RFX4: variants seen among roughly 807,000 people sequenced by gnomAD.
The protein encoded by RFX4 is transcription factor RFX4.
In RFX4, 10 loss-of-function variants were observed where a neutral mutation model predicts 95.0. The observed-to-expected ratio is 0.11, with a 90% CI of 0.06 to 0.18. RFX4 has a LOEUF of 0.18. Among genes scored for constraint, RFX4 ranks in the 10% least tolerant of loss-of-function variants. RFX4 has a pLI of 1.00. For synonymous variants in RFX4, 321 were observed against 340.7 expected (o/e 0.94, Z 0.64); for missense variants, 640 against 922.0 (o/e 0.69, Z 3.96).
At chr12:106,670,466 C>T (rs1198784124) in intron 4 of RFX4, among the ~76,000 whole-genome samples, 1 of 152,172 alleles carries the variant, frequency 6.6e-6, no homozygotes, top group African/African-American at 2.4e-5. Context: ...CGTGGTACCC[C>T]TCAAGGGGCA....
chr12:106,761,045 T>C (rs1268480832), intron 17 of RFX4, 152 bp from the exon 18 acceptor site: 1 of 871,624 alleles, frequency 1.1e-6, no homozygotes, highest in Non-Finnish European at 1.8e-6. Flanking sequence ...AAGACCAATA[T>C]TCAGTCTTGT....
At chr12:106,614,477 C>CTGTGTGTG (rs34226201) in intron 2 of RFX4, among the ~76,000 whole-genome samples, 3,824 of 127,794 alleles carry the variant, frequency 0.03, 100 homozygotes, top group Middle Eastern at 0.052. Flanking sequence ...CGTCTTTTGC[C>CTGTGTGTG]TGTGTGTGTG....
At chr12:106,755,668 G>A (rs547804655) in intron 17 of RFX4, among the ~76,000 whole-genome samples, 1 of 152,292 alleles carries the variant, frequency 6.6e-6, no homozygotes, top group South Asian at 2.1e-4. Flanking sequence ...TTTGGTTTAA[G>A]GTTCAGCATA....
Position 106,696,405 on chromosome 12 carries a change from C to T in RFX4, c.792C>T (p.Ser264=), listed in dbSNP as rs764344281. ...ACTCCATCCTCTACAAAGCTATCTC[C>T]GGGGTGCTGATGCCCACTGTGCTGC... The part of the protein sequence containing the change: ...VCDSILYKAI[S]GVLMPTVLQA... The change falls in exon 8 of 18, where the codon TCC becomes TCT. Residue 264 remains serine, a synonymous_variant. Transcript: ENST00000392842. 48 of 1,613,978 alleles carry T rather than the reference C, an allele frequency of 3.0e-5. No individual in the cohort carries two copies. The Admixed American group carries it at 4.8e-4, about 16-fold the overall frequency.
chr12:106,670,654 C>CA (rs2041263326), intron 4 of RFX4, among the ~76,000 whole-genome samples: 2 of 152,150 alleles, frequency 1.3e-5, no homozygotes, highest in South Asian at 4.1e-4. Context: ...CTAACCCTTT[C>CA]ATTCCCCAGT....
chr12:106,733,671 G>A (rs2042655645), intron 15 of RFX4, among the ~76,000 whole-genome samples: 1 of 152,178 alleles, frequency 6.6e-6, no homozygotes, highest in Non-Finnish European at 1.5e-5. Flanking sequence ...AGGAGGCAAG[G>A]GCTGTGATGT....
intron 1 of RFX4, among the ~76,000 whole-genome samples, chr12:106,594,257 C>A (rs2039583765): frequency 6.6e-6 from 1 of 152,096 alleles, no homozygotes; most frequent in Non-Finnish European, 1.5e-5. Flanking sequence ...GGCTTGAGGC[C>A]CTCAGTTAAA....
At chr12:106,655,882 T>C (rs2040948111) in intron 4 of RFX4, among the ~76,000 whole-genome samples, 1 of 152,238 alleles carries the variant, frequency 6.6e-6, no homozygotes, top group South Asian at 2.1e-4. Context: ...CAACTGTTGC[T>C]GTTATGAATT....
intron 15 of RFX4, among the ~76,000 whole-genome samples, chr12:106,739,956 T>C (rs139279858): frequency 6.6e-6 from 1 of 152,370 alleles, no homozygotes; most frequent in Non-Finnish European, 1.5e-5. Context: ...AATTCTTTAA[T>C]GGCATCTAAA....
chr12:106,712,827 T>C (rs1325565177), intron 10 of RFX4, among the ~76,000 whole-genome samples: 1 of 152,186 alleles, frequency 6.6e-6, no homozygotes, highest in Non-Finnish European at 1.5e-5. Context: ...TGCCAGCATC[T>C]GGTTCTTTTT....
intron 2 of RFX4, among the ~76,000 whole-genome samples, chr12:106,635,429 T>A (rs4964477): frequency 0.12 from 18,200 of 152,006 alleles, 1,082 homozygotes; most frequent in South Asian, 0.16. Context: ...TCTTGTGCCT[T>A]AGCCACCCGA....
At chr12:106,651,380 G>A (rs1172519068) in intron 3 of RFX4, among the ~76,000 whole-genome samples, 1 of 152,144 alleles carries the variant, frequency 6.6e-6, no homozygotes, top group Non-Finnish European at 1.5e-5. Flanking sequence ...ATGCCATACG[G>A]TTATTGTGAG....
intron 2 of RFX4, among the ~76,000 whole-genome samples, chr12:106,630,501 A>G (rs958802599): frequency 1.3e-5 from 2 of 152,212 alleles, no homozygotes; most frequent in Admixed American, 1.3e-4. Flanking sequence ...GCCCACTGCC[A>G]AAGGCCTGGG....
chr12:106,696,347 C>T lies in RFX4; in HGVS notation c.734C>T (p.Ser245Phe). 2 of 1,614,158 alleles carry T rather than the reference C, an allele frequency of 1.2e-6. No individual in the cohort carries two copies. The highest frequency in any genetic ancestry group is 1.7e-6 in the Non-Finnish European group (2 of 1,180,028). The stretch of plus-strand genomic sequence containing the variant: ...CCCCACATGCTGCCTGTGCTGGGCT[C>T]CTCCACGGTGGTGAACATTGTCGGC... ...MPPHMLPVLG[S>F]STVVNIVGVC... The change falls in exon 8 of 18, where the codon TCC becomes TTC. Residue 245 changes from serine to phenylalanine, a missense_variant. This residue lies in a region of RFX4 where 96 missense variants were observed against 183.7 expected (regional missense o/e 0.52). Coordinates refer to ENST00000392842, the MANE Select transcript of RFX4 (RefSeq NM_213594.3).
intron 4 of RFX4, among the ~76,000 whole-genome samples, chr12:106,668,571 A>G (rs141312436): frequency 1.3e-5 from 2 of 152,174 alleles, no homozygotes; most frequent in Non-Finnish European, 2.9e-5. Flanking sequence ...TCTTAAAAAA[A>G]TTTTTTAAAC....
Position 106,754,602 on chromosome 12 carries a change from T to C in RFX4, c.1935+3809T>C, listed in dbSNP as rs189291588. The stretch of plus-strand genomic sequence containing the variant: ...TTCTGGGGTGATATTTTTAAAGCCA[T>C]TGCCATAAAAAGAAGCCAAGGTCTC... On this transcript the variant is annotated intron_variant, in intron 17 of 17. Transcript: ENST00000392842. Among the ~76,000 whole-genome samples the C allele has an allele frequency of 3.2e-4, 49 of 152,302 alleles. No homozygotes were observed. The East Asian group carries it at 8.1e-3, about 25-fold the overall frequency.
intron 11 of RFX4, among the ~76,000 whole-genome samples, chr12:106,717,342 G>A (rs2042313405): frequency 6.6e-6 from 1 of 152,228 alleles, no homozygotes; most frequent in South Asian, 2.1e-4. Context: ...TTTCATGAGG[G>A]ACGAAAATGT....
chr12:106,690,198 G>A (rs1464159329), intron 7 of RFX4, among the ~76,000 whole-genome samples: 2 of 152,134 alleles, frequency 1.3e-5, no homozygotes, highest in Admixed American at 1.3e-4. Context: ...TGTTTGTTGA[G>A]CACTTCCACT....
chr12:106,707,764 T>TA (rs780025678), intron 8 of RFX4, among the ~76,000 whole-genome samples: 1 of 151,920 alleles, frequency 6.6e-6, no homozygotes. Context: ...CTCAAGGAGA[T>TA]AGAGTGGAGG....
Sources: allele counts gnomAD v4.1 joint callset (sites outside exome capture counted in the v4.1 genomes callset), GRCh38; gene constraint gnomAD v4.1.1; regional missense constraint gnomAD v4.1.1; transcripts MANE v1.5; gene names NCBI Gene and HGNC (gene_info 2026-07-23, HGNC 2026-07-21).